NPM1: variants seen among roughly 807,000 people sequenced by gnomAD.
NPM1 encodes the protein nucleophosmin 1.
A neutral mutation model predicts 44.1 loss-of-function variants in NPM1; 1 was observed. That is an observed-to-expected ratio of 0.02 (90% confidence interval 0.01 to 0.11). NPM1 has a LOEUF of 0.11. Ranked by LOEUF, NPM1 falls within the 10% of genes least tolerant of loss-of-function variation. NPM1 has a pLI of 1.00. For synonymous variants in NPM1, 126 were observed against 111.8 expected (o/e 1.13, Z -0.80); for missense variants, 197 against 347.8 (o/e 0.57, Z 3.45).
chr5:171,401,273 G>A (rs1387533234), intron 8 of NPM1, among the ~76,000 whole-genome samples: 1 of 151,930 alleles, frequency 6.6e-6, no homozygotes, highest in East Asian at 1.9e-4. Flanking sequence ...CAGGAGAATT[G>A]CTTGAACCTG....
chr5:171,396,662 C>A (rs1432026955), intron 6 of NPM1, among the ~76,000 whole-genome samples: 1 of 152,180 alleles, frequency 6.6e-6, no homozygotes, highest in Non-Finnish European at 1.5e-5. Flanking sequence ...GCCTGACTTG[C>A]CCTCCAGTGA....
chr5:171,394,782 C>T (rs755514345), intron 6 of NPM1, among the ~76,000 whole-genome samples: 63 of 152,166 alleles, frequency 4.1e-4, no homozygotes, highest in South Asian at 1.7e-3. Flanking sequence ...ATAGCATTCA[C>T]CGAGGCTCGG....
intron 6 of NPM1, among the ~76,000 whole-genome samples, chr5:171,396,164 A>G (rs1770871905): frequency 6.6e-6 from 1 of 152,118 alleles, no homozygotes; most frequent in African/African-American, 2.4e-5. Flanking sequence ...TATTTTTAAT[A>G]GAGATGGGGT....
At chr5:171,404,722 C>T (rs1488983794) in intron 8 of NPM1, among the ~76,000 whole-genome samples, 2 of 144,534 alleles carry the variant, frequency 1.4e-5, no homozygotes, top group Non-Finnish European at 3.0e-5. Context: ...CTCCTCACTT[C>T]CCAGACGGGG....
chr5:171,406,315 T>C, intron 9 of NPM1: 1 of 1,261,694 alleles, frequency 7.9e-7, no homozygotes, highest in Non-Finnish European at 1.2e-6. Context: ...TTTTGTCCCT[T>C]GGATACAATG....
At chr5:171,390,600 T>A (rs1770521605) in intron 2 of NPM1, among the ~76,000 whole-genome samples, 1 of 152,136 alleles carries the variant, frequency 6.6e-6, no homozygotes, top group Non-Finnish European at 1.5e-5. Flanking sequence ...TAGTGAGAGG[T>A]TTATACTTGT....
chr5:171,388,891 G>GA (rs1770423290), intron 1 of NPM1, among the ~76,000 whole-genome samples: 1 of 152,204 alleles, frequency 6.6e-6, no homozygotes, highest in Non-Finnish European at 1.5e-5. Flanking sequence ...GGCAATAAGA[G>GA]ACTAAATCTA....
Position 171,400,934 on chromosome 5 carries a change from C to T in NPM1, c.669+9C>T. ...CAACACCAAGATCAAAAGTAAGTGG[C>T]TACATTTACACGTGGGTCTCATTGA... is the stretch of plus-strand genomic sequence containing the variant. On this transcript the variant is annotated intron_variant, in intron 8 of 10. Transcript: ENST00000296930. 3.8e-6 allele frequency: 6 copies of T among 1,567,450 alleles called. No individual in the cohort carries two copies. The highest frequency in any genetic ancestry group is 5.3e-6 in the Non-Finnish European group (6 of 1,138,668).
At chr5:171,410,335 T>G (rs1477547581) in intron 10 of NPM1, among the ~76,000 whole-genome samples, 192 bp from the exon 11 acceptor site, 1 of 152,260 alleles carries the variant, frequency 6.6e-6, no homozygotes, top group Admixed American at 6.5e-5. Context: ...CACATTTTTA[T>G]GACTGATTAA....
chr5:171,392,557 T>C (rs923045967), intron 4 of NPM1, among the ~76,000 whole-genome samples, 153 bp from the exon 5 acceptor site: 1 of 150,988 alleles, frequency 6.6e-6, no homozygotes, highest in African/African-American at 2.4e-5. Context: ...CAAAATACTT[T>C]TGTTAAAAAG....
upstream of NPM1, chr5:171,387,711 A>C (rs1581233603): frequency 3.8e-6 from 2 of 531,050 alleles, no homozygotes; most frequent in Non-Finnish European, 6.6e-6. Flanking sequence ...GGTAGAAAGG[A>C]GTGGGGTTGA....
chr5:171,400,306 G>GAGGGAGA, intron 7 of NPM1, 96 bp downstream of exon 7: 1 of 1,501,134 alleles, frequency 6.7e-7, no homozygotes, highest in Non-Finnish European at 9.2e-7. Flanking sequence ...GGAAGCTGGT[G>GAGGGAGA]TGGGAGATCA....
intron 6 of NPM1, among the ~76,000 whole-genome samples, chr5:171,394,373 C>T (rs184623185): frequency 2.0e-5 from 3 of 152,178 alleles, no homozygotes; most frequent in Admixed American, 1.3e-4. Context: ...GGGGTTTCAC[C>T]ACGTTGGCTA....
intron 8 of NPM1, 67 bp from the exon 9 acceptor site, chr5:171,405,235 T>C: frequency 1.3e-6 from 1 of 742,810 alleles, no homozygotes; most frequent in South Asian, 1.7e-5. Context: ...GAAATCCAGA[T>C]AGAATGGGTT....
At chr5:171,410,359 A>C (rs1310826621) in intron 10 of NPM1, among the ~76,000 whole-genome samples, 168 bp from the exon 11 acceptor site, 1 of 152,236 alleles carries the variant, frequency 6.6e-6, no homozygotes, top group Non-Finnish European at 1.5e-5. Flanking sequence ...GTTTGGAATT[A>C]AATTACATCT....
At chr5:171,388,885 A>G (rs987661257) in intron 1 of NPM1, among the ~76,000 whole-genome samples, 6 of 152,220 alleles carry the variant, frequency 3.9e-5, no homozygotes, top group African/African-American at 1.4e-4. Flanking sequence ...AGTAAAGGCA[A>G]TAAGAGACTA....
intron 9 of NPM1, chr5:171,405,730 A>C: frequency 3.5e-6 from 1 of 283,302 alleles, no homozygotes; most frequent in Non-Finnish European, 6.6e-6. Context: ...ATGCTAGAGA[A>C]CCAACAGAGG....
chr5:171,409,252 G>T (rs1004098637), intron 10 of NPM1, among the ~76,000 whole-genome samples: 3 of 152,146 alleles, frequency 2.0e-5, no homozygotes, highest in African/African-American at 7.2e-5. Flanking sequence ...TCCTGTTTTT[G>T]ACATAGAGAT....
At chr5:171,388,636 G>T (rs970896864) in intron 1 of NPM1, among the ~76,000 whole-genome samples, 1 of 152,198 alleles carries the variant, frequency 6.6e-6, no homozygotes, top group Non-Finnish European at 1.5e-5. Flanking sequence ...GGGACTCACC[G>T]GCGTGTTGCC....
Sources: gnomAD v4.1 joint callset for allele counts (sites outside exome capture counted in the v4.1 genomes callset) on GRCh38, gnomAD v4.1.1 for gene constraint, MANE v1.5 for transcripts, NCBI Gene and HGNC (gene_info 2026-07-23, HGNC 2026-07-21) for gene names.